The following MSI2 variants were observed in gnomAD, a reference collection of about 807,000 sequenced individuals.
MSI2 encodes RNA-binding protein Musashi homolog 2.
A neutral mutation model predicts 45.6 loss-of-function variants in MSI2; 17 were observed. That is an observed-to-expected ratio of 0.37 (90% confidence interval 0.26 to 0.56). MSI2 has a LOEUF of 0.56. MSI2 is among the 20% of genes least tolerant of loss of function. MSI2 has a pLI of 0.77. For missense variants in MSI2, 293 were observed against 444.2 expected (o/e 0.66, Z 3.06); for synonymous variants, 156 against 158.2 (o/e 0.99, Z 0.11).
At position 57,612,511 on chromosome 17, in the gene MSI2, A is replaced by G. The variant is rs1333035168; in HGVS notation, c.538-3459A>G. On this transcript the variant is annotated intron_variant, in intron 8 of 13. Coordinates refer to ENST00000284073, the MANE Select transcript of MSI2 (RefSeq NM_138962.4). ...CCCCTGTCATTCAGATGCCCAGGAC[A>G]GGCCAGGGTCCCCTGGAGAGTGTAT... Among the ~76,000 whole-genome samples, 5 of 28,574 alleles carry G rather than the reference A, an allele frequency of 1.7e-4. 1 individual carries two copies. Among genetic ancestry groups the G allele is most frequent in the Non-Finnish European group, 4.3e-4 (4 of 9,356 alleles). 18.7% of individuals were successfully genotyped at this position (28,574 alleles called of 152,430 possible). A position where few individuals can be genotyped will look rare whatever the true frequency, so the allele number is the denominator to read the frequency against.
chr17:57,358,198 TGG>T (rs56318280), intron 5 of MSI2, among the ~76,000 whole-genome samples: 106,787 of 147,550 alleles, frequency 0.72, 37,930 homozygotes, highest in Middle Eastern at 0.79. Context: ...TCTGTGTGTG[TGG>T]GGGGGTGTGT....
At chr17:57,369,936 C>G (rs978272342) in intron 5 of MSI2, among the ~76,000 whole-genome samples, 6 of 152,186 alleles carry the variant, frequency 3.9e-5, no homozygotes, top group African/African-American at 1.4e-4. Flanking sequence ...GTAATCTCTG[C>G]TCTTCATTTC....
intron 6 of MSI2, chr17:57,440,790 G>T (rs1041953463): frequency 6.6e-6 from 1 of 152,242 alleles, no homozygotes; most frequent in Non-Finnish European, 1.5e-5. Context: ...CCTCTGGTCC[G>T]CCAAGAGGCC....
At position 57,577,993 on chromosome 17, in the gene MSI2, G is replaced by A. The variant is rs140620597; in HGVS notation, c.455-18875G>A. ...AAGTGTTCAGCAAAGTGAAGGCTTC[G>A]CTTTTCTTCCTCCCCGCTCCTCCCC... On this transcript the variant is annotated intron_variant, in intron 7 of 13. Transcript: ENST00000284073. 1.8e-3 allele frequency among the ~76,000 whole-genome samples: 268 copies of A among 152,228 alleles called. 1 individual carries two copies. The highest frequency in any genetic ancestry group is 6.8e-3 in the Middle Eastern group (2 of 294).
chr17:57,518,341 C>T (rs111232989), intron 6 of MSI2, among the ~76,000 whole-genome samples: 1 of 152,290 alleles, frequency 6.6e-6, no homozygotes, highest in African/African-American at 2.4e-5. Flanking sequence ...CCTCCCCAGG[C>T]GTATGGCTGC....
chr17:57,672,574 G>A (rs1384345348), intron 11 of MSI2, among the ~76,000 whole-genome samples: 1 of 152,220 alleles, frequency 6.6e-6, no homozygotes, highest in African/African-American at 2.4e-5. Context: ...CCATTAGTTA[G>A]GTGGGCCTGC....
intron 5 of MSI2, chr17:57,285,960 G>T (rs1909837205): frequency 2.0e-6 from 3 of 1,534,648 alleles, no homozygotes; most frequent in Non-Finnish European, 2.6e-6. Context: ...ATTCAACATG[G>T]ATGGAGTGGG....
intron 6 of MSI2, among the ~76,000 whole-genome samples, chr17:57,510,513 C>G (rs967659113): frequency 2.0e-5 from 3 of 151,976 alleles, no homozygotes; most frequent in Non-Finnish European, 4.4e-5. Context: ...CTGCAACCTC[C>G]GCCTCCCGGG....
chr17:57,514,387 C>T (rs879934953), intron 6 of MSI2, among the ~76,000 whole-genome samples: 8 of 152,202 alleles, frequency 5.3e-5, no homozygotes, highest in Non-Finnish European at 7.3e-5. Context: ...GGGTACAGCA[C>T]AGGTGTGCTG....
At chr17:57,486,396 A>C (rs2085755730) in intron 6 of MSI2, among the ~76,000 whole-genome samples, 1 of 152,166 alleles carries the variant, frequency 6.6e-6, no homozygotes, top group South Asian at 2.1e-4. Context: ...CAAAACAAAA[A>C]CCTAACCCAG....
At chr17:57,507,553 A>G (rs1336875298) in intron 6 of MSI2, among the ~76,000 whole-genome samples, 1 of 152,130 alleles carries the variant, frequency 6.6e-6, no homozygotes, top group African/African-American at 2.4e-5. Flanking sequence ...TGTGGCCAAG[A>G]TTGATTATGC....
chr17:57,435,099 T>C (rs1025859059), intron 6 of MSI2, among the ~76,000 whole-genome samples: 12 of 152,124 alleles, frequency 7.9e-5, no homozygotes, highest in Non-Finnish European at 1.6e-4. Context: ...TCTTTTTTAT[T>C]ATTTTATTAT....
chr17:57,421,254 G>A (rs181801962), intron 6 of MSI2, among the ~76,000 whole-genome samples: 2 of 152,226 alleles, frequency 1.3e-5, no homozygotes, highest in Admixed American at 1.3e-4. Flanking sequence ...TGGCCCCGTG[G>A]CAGTCCCCTC....
chr17:57,681,906 G>C lies in MSI2; in HGVS notation c.*2389G>C. 1 of 206,774 alleles carries C rather than the reference G, an allele frequency of 4.8e-6. No homozygotes were observed. Among genetic ancestry groups the C allele is most frequent in the Non-Finnish European group, 9.8e-6 (1 of 101,806 alleles). 12.8% of individuals were successfully genotyped at this position (206,774 alleles called of 1,614,324 possible). A position where few individuals can be genotyped will look rare whatever the true frequency, so the allele number is the denominator to read the frequency against. On this transcript the variant is annotated 3_prime_UTR_variant, in exon 14 of 14. Coordinates refer to ENST00000284073, the MANE Select transcript of MSI2 (RefSeq NM_138962.4). ...ATTTAATTCCTATTTTGTCCATGTT[G>C]GTGATGTACTGTACTTCCCTTCCTT...
chr17:57,429,462 G>A (rs1376031901), intron 6 of MSI2, among the ~76,000 whole-genome samples: 2 of 152,144 alleles, frequency 1.3e-5, no homozygotes, highest in Non-Finnish European at 2.9e-5. Context: ...GGATGTTTTT[G>A]GAGCTTCCGT....
chr17:57,476,901 T>C (rs2085547855), intron 6 of MSI2, among the ~76,000 whole-genome samples: 1 of 152,116 alleles, frequency 6.6e-6, no homozygotes, highest in African/African-American at 2.4e-5. Flanking sequence ...CCCCAACCCA[T>C]CTAGACCTGT....
At chr17:57,560,249 C>T (rs73312871) in intron 7 of MSI2, among the ~76,000 whole-genome samples, 2,849 of 152,182 alleles carry the variant, frequency 0.019, 101 homozygotes, top group African/African-American at 0.064. Flanking sequence ...ACAGTCTCTG[C>T]GGGGAAGTTT....
At chr17:57,577,138 G>A (rs1292524197) in intron 7 of MSI2, among the ~76,000 whole-genome samples, 1 of 152,264 alleles carries the variant, frequency 6.6e-6, no homozygotes. Context: ...GTTAGATCTT[G>A]AAGGACTACC....
rs575304942 is a variant in MSI2, at chr17:57,558,922, G to T, written c.454+29198G>T. On this transcript the variant is annotated intron_variant, in intron 7 of 13. Coordinates refer to ENST00000284073, the MANE Select transcript of MSI2 (RefSeq NM_138962.4). ...CTAAAAATACAAAAAAAACAGCGAG[G>T]TGTGGTGGCGGGAGCCTGTAACCCC... is the stretch of plus-strand genomic sequence containing the variant. 1.4e-4 allele frequency among the ~76,000 whole-genome samples: 22 copies of T among 152,264 alleles called. 1 individual carries two copies. In the South Asian group the frequency reaches 2.3e-3, roughly 16 times the overall value.
Sources: gnomAD v4.1 joint callset for allele counts (sites outside exome capture counted in the v4.1 genomes callset) on GRCh38, gnomAD v4.1.1 for gene constraint, MANE v1.5 for transcripts, NCBI Gene and HGNC (gene_info 2026-07-23, HGNC 2026-07-21) for gene names.